The following HNRNPC variants were observed in gnomAD, a reference collection of about 807,000 sequenced individuals.
HNRNPC encodes the protein heterogeneous nuclear ribonucleoprotein C.
Under a neutral mutation model 33.2 loss-of-function variants are expected in HNRNPC, and 3 were observed. The ratio of observed to expected loss-of-function variants is 0.09; its 90% CI spans 0.04 to 0.23. The LOEUF is 0.23. Ranked by LOEUF, HNRNPC falls within the 10% of genes least tolerant of loss-of-function variation. The pLI is 1.00. For missense variants in HNRNPC, 143 were observed against 366.7 expected, an observed-to-expected ratio of 0.39 and a Z score of 4.98; for synonymous variants, 121 against 126.7, an observed-to-expected ratio of 0.96 and a Z score of 0.30.
At chr14:21,220,740 G>A (rs1364532614) in intron 5 of HNRNPC, among the ~76,000 whole-genome samples, 2 of 151,826 alleles carry the variant, frequency 1.3e-5, no homozygotes, top group African/African-American at 4.8e-5. Context: ...GCTTAATAAA[G>A]ATCAAAGCAG....
At chr14:21,226,816 G>T (rs1233411835) in intron 5 of HNRNPC, among the ~76,000 whole-genome samples, 1 of 139,464 alleles carries the variant, frequency 7.2e-6, no homozygotes, top group African/African-American at 2.7e-5. Flanking sequence ...GGAGGCAGAG[G>T]TTGCAGTAAG....
chr14:21,254,944 A>C (rs372373436), intron 2 of HNRNPC, among the ~76,000 whole-genome samples: 249 of 151,952 alleles, frequency 1.6e-3, no homozygotes, highest in East Asian at 4.3e-3. Context: ...AAAAAAAAAA[A>C]CCAGAAAAAC....
chr14:21,246,586 G>A (rs979246023), intron 2 of HNRNPC, among the ~76,000 whole-genome samples: 7 of 149,510 alleles, frequency 4.7e-5, no homozygotes, highest in South Asian at 2.1e-4. Context: ...AAAAAAAGTC[G>A]TCTTATAACA....
At chr14:21,257,391 A>C (rs1877408033) in intron 2 of HNRNPC, among the ~76,000 whole-genome samples, 1 of 151,994 alleles carries the variant, frequency 6.6e-6, no homozygotes, top group South Asian at 2.1e-4. Flanking sequence ...GTAAAAAAAA[A>C]ATAAAAACGT....
intron 2 of HNRNPC, among the ~76,000 whole-genome samples, chr14:21,253,434 C>G (rs1896879517): frequency 7.5e-6 from 1 of 133,166 alleles, no homozygotes; most frequent in Non-Finnish European, 1.5e-5. Context: ...GATCACGCCA[C>G]TGCACTCCAA....
At chr14:21,246,926 C>CACT (rs2138863676) in intron 2 of HNRNPC, among the ~76,000 whole-genome samples, 1 of 152,290 alleles carries the variant, frequency 6.6e-6, no homozygotes, top group East Asian at 1.9e-4. Flanking sequence ...TTTTTCTTTT[C>CACT]ACTAGCTCAC....
intron 2 of HNRNPC, among the ~76,000 whole-genome samples, chr14:21,252,505 G>C (rs1896785034): frequency 6.6e-6 from 1 of 152,108 alleles, no homozygotes; most frequent in African/African-American, 2.4e-5. Flanking sequence ...CAGAGACAGG[G>C]TTTCACCACA....
intron 1 of HNRNPC, among the ~76,000 whole-genome samples, chr14:21,266,860 G>A (rs1369688881): frequency 6.6e-6 from 1 of 151,814 alleles, no homozygotes; most frequent in East Asian, 1.9e-4. Flanking sequence ...GGAGGCCAAG[G>A]CAGGAGGACT....
At chr14:21,253,593 T>C (rs983218706) in intron 2 of HNRNPC, among the ~76,000 whole-genome samples, 1 of 151,566 alleles carries the variant, frequency 6.6e-6, no homozygotes, top group Non-Finnish European at 1.5e-5. Context: ...TCAAAATCTA[T>C]CAACATTTTT....
chr14:21,222,204 A>T (rs1303309680), intron 5 of HNRNPC, among the ~76,000 whole-genome samples: 1 of 152,196 alleles, frequency 6.6e-6, no homozygotes, highest in African/African-American at 2.4e-5. Flanking sequence ...GAGCAACTGG[A>T]ACCTTCCACA....
At chr14:21,245,274 T>C (rs1445924154) in intron 2 of HNRNPC, among the ~76,000 whole-genome samples, 2 of 151,926 alleles carry the variant, frequency 1.3e-5, no homozygotes, top group Admixed American at 6.6e-5. Flanking sequence ...GGTGGGTGGA[T>C]CACTTGAGGT....
Position 21,209,282 on chromosome 14 carries a change from C to CA in HNRNPC, c.*1940dup, listed in dbSNP as rs1891397126. On this transcript the variant is annotated 3_prime_UTR_variant, in exon 9 of 9. Transcript: ENST00000553300. Reference sequence around the variant, plus strand: ...GCAGATTGTGGTGTTCACAGCTAAACAGACTGCTCTGTGCAGGGAGAGGCC... The same window carrying CA: ...GCAGATTGTGGTGTTCACAGCTAAACAAGACTGCTCTGTGCAGGGAGAGGCC... The CA allele has an allele frequency of 6.6e-6, 1 of 152,114 alleles. No homozygotes were observed. The highest frequency in any genetic ancestry group is 2.1e-4 in the South Asian group (1 of 4,830). The allele number at this position is 152,114 out of a possible 1,614,324, so 9.4% of individuals were successfully genotyped here. A position where few individuals can be genotyped will look rare whatever the true frequency, so the allele number is the denominator to read the frequency against.
At chr14:21,224,525 G>A (rs10136444) in intron 5 of HNRNPC, among the ~76,000 whole-genome samples, 3,824 of 152,152 alleles carry the variant, frequency 0.025, 175 homozygotes, top group African/African-American at 0.088. Flanking sequence ...TTTCCTACAA[G>A]CACCTACTTT....
chr14:21,267,179 A>G (rs1202593167), intron 1 of HNRNPC, among the ~76,000 whole-genome samples: 5 of 152,120 alleles, frequency 3.3e-5, no homozygotes, highest in Non-Finnish European at 7.3e-5. Context: ...GCTTCTGGCA[A>G]CAAAAAATTT....
intron 2 of HNRNPC, among the ~76,000 whole-genome samples, chr14:21,253,760 A>T (rs891126877): frequency 1.3e-5 from 2 of 151,878 alleles, no homozygotes; most frequent in Non-Finnish European, 2.9e-5. Context: ...TGGAGAACAA[A>T]CTTAAGAACT....
In HNRNPC at chr14:21,213,259, C is replaced by T. The variant is rs1353469361; in HGVS notation, c.366-142G>A. The T allele has an allele frequency of 7.4e-6, 6 of 812,492 alleles. No individual in the cohort carries two copies. In the East Asian group the frequency reaches 1.7e-4, roughly 22 times the overall value. 50.3% of individuals were successfully genotyped at this position (812,492 alleles called of 1,614,324 possible). A position where few individuals can be genotyped will look rare whatever the true frequency, so the allele number is the denominator to read the frequency against. ...ATTTCATTAAGAAGGCCAGCAAAAACCTCCACAGTGGGGTTTAGAAATCTT... is the reference window on the plus strand; with the variant it reads ...ATTTCATTAAGAAGGCCAGCAAAAATCTCCACAGTGGGGTTTAGAAATCTT... On this transcript the variant is annotated intron_variant, in intron 5 of 8. Transcript: ENST00000553300.
chr14:21,263,927 T>C (rs1878575628), intron 1 of HNRNPC: 1 of 152,080 alleles, frequency 6.6e-6, no homozygotes, highest in Non-Finnish European at 1.5e-5. Context: ...AGCTAACACA[T>C]TTTGGTAAAG....
intron 5 of HNRNPC, among the ~76,000 whole-genome samples, chr14:21,225,276 A>C (rs996548647): frequency 6.6e-6 from 1 of 151,958 alleles, no homozygotes; most frequent in African/African-American, 2.4e-5. Flanking sequence ...CAAAAAAAAA[A>C]AAATTAGCCA....
chr14:21,246,864 G>C (rs775288503), intron 2 of HNRNPC, among the ~76,000 whole-genome samples: 2 of 152,138 alleles, frequency 1.3e-5, no homozygotes, highest in Non-Finnish European at 2.9e-5. Context: ...AGACATTTGT[G>C]ATGATTTACT....
Sources: allele counts gnomAD v4.1 joint callset (sites outside exome capture counted in the v4.1 genomes callset), GRCh38; gene constraint gnomAD v4.1.1; transcripts MANE v1.5; gene names NCBI Gene and HGNC (gene_info 2026-07-23, HGNC 2026-07-21).